The following AP5M1 variants were observed in gnomAD, a reference collection of about 807,000 sequenced individuals.
AP5M1 encodes the protein AP-5 complex subunit mu-1.
In AP5M1, 44 loss-of-function variants were observed where a neutral mutation model predicts 52.3. The ratio of observed to expected loss-of-function variants is 0.84; its 90% CI spans 0.66 to 1.08. The LOEUF (loss-of-function observed/expected upper bound fraction) is 1.08. AP5M1 is among the 50% of genes least tolerant of loss of function. The probability of loss-of-function intolerance (pLI) is 0.00; values close to 1 mark genes in which losing one functional copy is unlikely to be tolerated. For synonymous variants in AP5M1, 213 were observed against 199.0 expected, an observed-to-expected ratio of 1.07 and a Z score of -0.59; for missense variants, 526 against 568.4, an observed-to-expected ratio of 0.93 and a Z score of 0.76.
chr14:57,294,594 C>A lies in AP5M1; in HGVS notation c.*5710C>A, dbSNP rs1011066076. ...TTGCCAGTGGTTGAAGTTGGAGTTT[C>A]TTTTCTCCACTGGTTTTATAGGTGT... On this transcript the variant is annotated 3_prime_UTR_variant, in exon 8 of 8. Coordinates refer to ENST00000261558, the MANE Select transcript of AP5M1 (RefSeq NM_018229.4). 20 of 151,854 alleles carry A rather than the reference C, an allele frequency of 1.3e-4. No homozygotes were observed. The highest frequency in any genetic ancestry group is 4.8e-4 in the African/African-American group (20 of 41,396). The allele number at this position is 151,854 out of a possible 1,614,324, so 9.4% of individuals were successfully genotyped here.
rs1884963482 is a variant in AP5M1 at position 57,274,280 on chromosome 14, C to T, written c.111C>T (p.Phe37=). Residue 37 remains phenylalanine, a synonymous_variant, in exon 2 of 8, where the codon TTC becomes TTT. Coordinates refer to ENST00000261558, the MANE Select transcript of AP5M1 (RefSeq NM_018229.4). ...CTGTTGAAAAACGAGCCAGAGTCTT[C>T]AATGGAGCAAGTTATGTGCCTGTTC... ...YPTVEKRARV[F]NGASYVPVPE... The T allele has an allele frequency of 3.1e-6, 5 of 1,613,886 alleles. No homozygotes were observed. In the South Asian group the frequency reaches 5.5e-5, roughly 18 times the overall value.
At chr14:57,275,401 T>TGGG (rs985153224) in intron 2 of AP5M1, 1 of 51,550 alleles carries the variant, frequency 1.9e-5, no homozygotes, top group African/African-American at 6.2e-5. Context: ...GAGAGAGGGG[T>TGGG]GGGGGGGGGA....
intron 1 of AP5M1, among the ~76,000 whole-genome samples, chr14:57,270,696 A>G (rs1884871753): frequency 6.6e-6 from 1 of 152,176 alleles, no homozygotes; most frequent in South Asian, 2.1e-4. Context: ...CTCTCATTTT[A>G]CTTATATTCC....
At chr14:57,286,104 G>T (rs961474208) in intron 6 of AP5M1, 119 bp from the exon 7 acceptor site, 3 of 664,398 alleles carry the variant, frequency 4.5e-6, no homozygotes, top group Admixed American at 2.6e-5. Flanking sequence ...AGTACTTGTG[G>T]TTTTTATTTT....
chr14:57,269,506 C>A, intron 1 of AP5M1, 118 bp downstream of exon 1: 1 of 889,432 alleles, frequency 1.1e-6, no homozygotes, highest in Non-Finnish European at 1.8e-6. Flanking sequence ...TTGGGCTAGC[C>A]AGTTAACAGA....
chr14:57,291,207 A>T lies in AP5M1; in HGVS notation c.*2323A>T, dbSNP rs1885427326. 6.6e-6 allele frequency: 1 copy of T among 151,916 alleles called. No homozygotes were observed. 9.4% of individuals were successfully genotyped at this position (151,916 alleles called of 1,614,324 possible). ...TTCTTTGCATTTTTTAACTTGAAAGATGCTTTGCGTTTGCAGTGAATATGA... is the reference window on the plus strand; with the variant it reads ...TTCTTTGCATTTTTTAACTTGAAAGTTGCTTTGCGTTTGCAGTGAATATGA... On this transcript the variant is annotated 3_prime_UTR_variant, in exon 8 of 8. Coordinates refer to ENST00000261558, the MANE Select transcript of AP5M1 (RefSeq NM_018229.4).
chr14:57,286,334 T>G lies in AP5M1; in HGVS notation c.1390+15T>G. ...AATAAGTGCACGTAAGTTACACAGA[T>G]TCAAACTAACTTAAGGGAATTAAAA... is the stretch of plus-strand genomic sequence containing the variant. On this transcript the variant is annotated intron_variant, in intron 7 of 7. Coordinates refer to ENST00000261558, the MANE Select transcript of AP5M1 (RefSeq NM_018229.4). 1.3e-6 allele frequency: 2 copies of G among 1,508,612 alleles called. No homozygotes were observed. Among genetic ancestry groups the G allele is most frequent in the South Asian group, 2.3e-5 (2 of 88,272 alleles). 93.5% of individuals were successfully genotyped at this position (1,508,612 alleles called of 1,614,324 possible).
At position 57,274,314 on chromosome 14, in the gene AP5M1, G is replaced by T. The variant is rs915309358; in HGVS notation, c.145G>T (p.Gly49Cys). ...GASYVPVPED[G>C]PFLKALLFEL... Reference sequence around the variant, plus strand: ...AAGTTATGTGCCTGTTCCTGAAGATGGTCCCTTTCTTAAAGCACTGCTCTT... The same window carrying T: ...AAGTTATGTGCCTGTTCCTGAAGATTGTCCCTTTCTTAAAGCACTGCTCTT... The change falls in exon 2 of 8, where the codon GGT (glycine) becomes TGT (cysteine). Residue 49 changes from glycine to cysteine, a missense_variant. Gly to Cys is a radical substitution (Grantham distance 159). Around this residue, in one of 3 missense-constraint regions of AP5M1, gnomAD observed 425 missense variants for 430.6 expected, o/e 0.99. Coordinates refer to ENST00000261558, the MANE Select transcript of AP5M1 (RefSeq NM_018229.4). The T allele has an allele frequency of 3.1e-6, 5 of 1,614,084 alleles. No individual in the cohort carries two copies. In the African/African-American group the frequency reaches 4.0e-5, roughly 13 times the overall value.
In AP5M1 at chr14:57,294,438, G is replaced by A. The variant is rs888438293; in HGVS notation, c.*5554G>A. Reference sequence around the variant, plus strand: ...CAAAGGACTTGGGTGCCCTCTGCAGGTTATAAAGAGATAATTAGTGACTAT... The same window carrying A: ...CAAAGGACTTGGGTGCCCTCTGCAGATTATAAAGAGATAATTAGTGACTAT... On this transcript the variant is annotated 3_prime_UTR_variant, in exon 8 of 8. Transcript: ENST00000261558. 2.0e-5 allele frequency: 3 copies of A among 151,726 alleles called. No individual in the cohort carries two copies. The highest frequency in any genetic ancestry group is 7.3e-5 in the African/African-American group (3 of 41,356). The allele number at this position is 151,726 out of a possible 1,614,324, so 9.4% of individuals were successfully genotyped here.
At chr14:57,286,897 C>A (rs967862276) in intron 7 of AP5M1, among the ~76,000 whole-genome samples, 1 of 151,920 alleles carries the variant, frequency 6.6e-6, no homozygotes, top group Non-Finnish European at 1.5e-5. Context: ...AGCACCTTCT[C>A]TATTCTATCA....
intron 7 of AP5M1, among the ~76,000 whole-genome samples, chr14:57,288,127 G>C (rs952436504): frequency 6.6e-6 from 1 of 151,848 alleles, no homozygotes; most frequent in African/African-American, 2.4e-5. Context: ...ATGAAGAAGG[G>C]CATGAAGAAG....
At chr14:57,285,811 CAGT>C (rs1353823575) in intron 6 of AP5M1, among the ~76,000 whole-genome samples, 1 of 152,086 alleles carries the variant, frequency 6.6e-6, no homozygotes, top group East Asian at 1.9e-4. Context: ...GCATGCAAGA[CAGT>C]AGCACGGGGG....
rs1387726057 is a variant in AP5M1 at position 57,291,574 on chromosome 14, T to C, written c.*2690T>C. ...TAAGTAATTGATTCAAATGTCAAGT[T>C]TGAAGCAGTCTTGTCAGGAATTCTG... On this transcript the variant is annotated 3_prime_UTR_variant, in exon 8 of 8. Coordinates refer to ENST00000261558, the MANE Select transcript of AP5M1 (RefSeq NM_018229.4). The C allele has an allele frequency of 6.6e-6, 1 of 151,874 alleles. No homozygotes were observed. Among genetic ancestry groups the C allele is most frequent in the Non-Finnish European group, 1.5e-5 (1 of 67,850 alleles). The allele number at this position is 151,874 out of a possible 1,614,324, so 9.4% of individuals were successfully genotyped here.
At position 57,296,462 on chromosome 14, in the gene AP5M1, T is replaced by G. The variant is rs1374245037; in HGVS notation, c.*7578T>G. The G allele has an allele frequency of 6.6e-6, 1 of 152,056 alleles. No individual in the cohort carries two copies. Among genetic ancestry groups the G allele is most frequent in the Admixed American group, 6.6e-5 (1 of 15,216 alleles). The allele number at this position is 152,056 out of a possible 1,614,324, so 9.4% of individuals were successfully genotyped here. A position where few individuals can be genotyped will look rare whatever the true frequency, so the allele number is the denominator to read the frequency against. ...TCATATATTTATTTTAAGTCTAGAA[T>G]CAGTAAAAAGTTATGTGTTTGTCAA... On this transcript the variant is annotated 3_prime_UTR_variant, in exon 8 of 8. Transcript: ENST00000261558.
chr14:57,287,834 A>G (rs1270113907), intron 7 of AP5M1, among the ~76,000 whole-genome samples: 3 of 152,166 alleles, frequency 2.0e-5, no homozygotes, highest in Non-Finnish European at 4.4e-5. Flanking sequence ...ATTGCTTACT[A>G]TATGCCAGGC....
intron 1 of AP5M1, 44 bp downstream of exon 1, chr14:57,269,432 C>A: frequency 1.9e-6 from 3 of 1,596,094 alleles, no homozygotes; most frequent in Non-Finnish European, 2.6e-6. Context: ...ATCAGAAGAT[C>A]GATGAAGTAG....
At chr14:57,270,103 C>T (rs1884849200) in intron 1 of AP5M1, among the ~76,000 whole-genome samples, 1 of 152,188 alleles carries the variant, frequency 6.6e-6, no homozygotes, top group African/African-American at 2.4e-5. Flanking sequence ...CACCGCGCCC[C>T]GCCCAGGCTT....
At chr14:57,281,438 A>G (rs1885172116) in intron 3 of AP5M1, among the ~76,000 whole-genome samples, 1 of 152,240 alleles carries the variant, frequency 6.6e-6, no homozygotes, top group Non-Finnish European at 1.5e-5. Flanking sequence ...CCATTTAAGG[A>G]TAAGAAAAGA....
chr14:57,272,393 A>G (rs1884916219), intron 1 of AP5M1, among the ~76,000 whole-genome samples: 3 of 152,220 alleles, frequency 2.0e-5, no homozygotes, highest in Admixed American at 1.3e-4. Context: ...CTTATTTCCT[A>G]TAACAAAACT....
Sources: allele counts gnomAD v4.1 joint callset (sites outside exome capture counted in the v4.1 genomes callset), GRCh38; gene constraint gnomAD v4.1.1; regional missense constraint gnomAD v4.1.1; transcripts MANE v1.5; gene names NCBI Gene and HGNC (gene_info 2026-07-23, HGNC 2026-07-21).